BMERB1: variants seen among roughly 807,000 people sequenced by gnomAD.
The protein encoded by BMERB1 is bMERB domain containing 1, also known as bMERB domain-containing protein 1.
A neutral mutation model predicts 23.6 loss-of-function variants in BMERB1; 12 were observed. That is an observed-to-expected ratio of 0.51 (90% CI 0.33 to 0.82). The LOEUF is 0.82. Among genes scored for constraint, BMERB1 ranks in the 40% least tolerant of loss-of-function variants. BMERB1 has a pLI of 0.03. For synonymous variants in BMERB1, 122 were observed against 96.6 expected, an observed-to-expected ratio of 1.26 and a Z score of -1.54; for missense variants, 247 against 255.4, an observed-to-expected ratio of 0.97 and a Z score of 0.22.
At chr16:15,536,280 G>A (rs1039381000) in intron 2 of BMERB1, among the ~76,000 whole-genome samples, 20 of 151,968 alleles carry the variant, frequency 1.3e-4, no homozygotes, top group African/African-American at 4.8e-4. Flanking sequence ...CTTCCTGACC[G>A]CTGGGCCTGC....
chr16:15,538,923 C>T (rs1000798060), intron 2 of BMERB1, among the ~76,000 whole-genome samples: 1 of 152,128 alleles, frequency 6.6e-6, no homozygotes. Context: ...GGCTGTTTGA[C>T]TTTATAGCAG....
chr16:15,528,194 C>G (rs1292810750), intron 2 of BMERB1, among the ~76,000 whole-genome samples: 2 of 152,062 alleles, frequency 1.3e-5, no homozygotes, highest in Non-Finnish European at 2.9e-5. Context: ...GATGAAGATG[C>G]CAGCAGATTC....
chr16:15,440,816 G>GT lies in BMERB1; in HGVS notation c.106+6059dup, dbSNP rs528588845. ...CACATAAAGCTTCTGTTTAGGGGAA[G>GT]TTAAGACCTGGGTTGAGAGTGAAGG... On this transcript the variant is annotated intron_variant, in intron 1 of 5. Coordinates refer to ENST00000300006, the MANE Select transcript of BMERB1 (RefSeq NM_033201.3). Among the ~76,000 whole-genome samples the GT allele has an allele frequency of 1.3e-3, 203 of 152,274 alleles. 1 individual carries two copies. The highest frequency in any genetic ancestry group is 2.5e-3 in the South Asian group (12 of 4,830).
intron 1 of BMERB1, among the ~76,000 whole-genome samples, chr16:15,458,807 TA>T (rs1026738226): frequency 2.7e-5 from 4 of 147,008 alleles, no homozygotes; most frequent in Non-Finnish European, 4.5e-5. Context: ...AATAATACAG[TA>T]AAAAAAACAC....
At position 15,543,742 on chromosome 16, in the gene BMERB1, A is replaced by G. The variant is rs575796568; in HGVS notation, c.231-24241A>G. 2.0e-5 allele frequency among the ~76,000 whole-genome samples: 3 copies of G among 152,218 alleles called. No individual in the cohort carries two copies. In the East Asian group the frequency reaches 5.8e-4, roughly 29 times the overall value. On this transcript the variant is annotated intron_variant, in intron 2 of 5. Transcript: ENST00000300006. Reference sequence around the variant, plus strand: ...AGGCTGAGGTGGGAAGATTGCTTAAACCTGAGAGGTCAAGGCTGCAGTGAG... The same window carrying G: ...AGGCTGAGGTGGGAAGATTGCTTAAGCCTGAGAGGTCAAGGCTGCAGTGAG...
At chr16:15,572,428 G>C (rs182276832) in intron 3 of BMERB1, among the ~76,000 whole-genome samples, 2 of 152,176 alleles carry the variant, frequency 1.3e-5, no homozygotes, top group African/African-American at 4.8e-5. Context: ...GACTTTCCTA[G>C]TTGAAAGAGA....
At chr16:15,434,846 C>T (rs896755077) in intron 1 of BMERB1, 87 bp downstream of exon 1, 2 of 1,179,526 alleles carry the variant, frequency 1.7e-6, no homozygotes, top group African/African-American at 1.5e-5. Context: ...CGAGGAACGC[C>T]AGCAGTGGAC....
At chr16:15,570,591 A>G (rs568378035) in intron 3 of BMERB1, among the ~76,000 whole-genome samples, 30 of 152,216 alleles carry the variant, frequency 2.0e-4, no homozygotes, top group Non-Finnish European at 3.8e-4. Flanking sequence ...CCTGATCCAG[A>G]CCCCAAAGTT....
chr16:15,455,808 G>A (rs2051082818), intron 1 of BMERB1, among the ~76,000 whole-genome samples: 1 of 152,132 alleles, frequency 6.6e-6, no homozygotes, highest in South Asian at 2.1e-4. Context: ...TTCAAGGGGT[G>A]CAGCTTTAAA....
At chr16:15,527,301 A>C (rs891359640) in intron 2 of BMERB1, among the ~76,000 whole-genome samples, 1 of 152,084 alleles carries the variant, frequency 6.6e-6, no homozygotes, top group Non-Finnish European at 1.5e-5. Context: ...ATGACTCTAC[A>C]TACTTCATAA....
At chr16:15,511,417 C>T (rs1418208182) in intron 1 of BMERB1, among the ~76,000 whole-genome samples, 2 of 152,120 alleles carry the variant, frequency 1.3e-5, no homozygotes, top group African/African-American at 4.8e-5. Context: ...GTGAATCTCT[C>T]CAATTTCATG....
chr16:15,498,512 A>G (rs1186214869), intron 1 of BMERB1, among the ~76,000 whole-genome samples: 1 of 151,922 alleles, frequency 6.6e-6, no homozygotes, highest in Non-Finnish European at 1.5e-5. Context: ...TAATAGAGTG[A>G]GACCTTGTTT....
chr16:15,458,314 A>G (rs919663473), intron 1 of BMERB1, among the ~76,000 whole-genome samples: 5 of 152,214 alleles, frequency 3.3e-5, no homozygotes, highest in African/African-American at 4.8e-5. Flanking sequence ...TGACCTGTTC[A>G]TCTTTGAATT....
chr16:15,444,123 G>GTTT (rs150793082), intron 1 of BMERB1, among the ~76,000 whole-genome samples: 833 of 35,592 alleles, frequency 0.023, 146 homozygotes, highest in Non-Finnish European at 0.03. Flanking sequence ...CACCAGCTTT[G>GTTT]TTTTTTTTTT....
chr16:15,524,934 A>G lies in BMERB1; in HGVS notation c.230+9506A>G, dbSNP rs935061539. Among the ~76,000 whole-genome samples, 58 of 152,276 alleles carry G rather than the reference A, an allele frequency of 3.8e-4. 1 individual carries two copies. The highest frequency in any genetic ancestry group is 3.7e-3 in the Admixed American group (56 of 15,286). On this transcript the variant is annotated intron_variant, in intron 2 of 5. Coordinates refer to ENST00000300006, the MANE Select transcript of BMERB1 (RefSeq NM_033201.3). ...CTGCTCAGAGGACCACCTCTGAACC[A>G]CCTAGACTCCATTGGGTTGGGAGGG...
chr16:15,475,081 C>T (rs758768323), intron 1 of BMERB1, among the ~76,000 whole-genome samples: 1 of 152,126 alleles, frequency 6.6e-6, no homozygotes, highest in Non-Finnish European at 1.5e-5. Context: ...GGTGCTGGGG[C>T]CACTTTCCTA....
intron 1 of BMERB1, among the ~76,000 whole-genome samples, chr16:15,489,789 A>G (rs1444457117): frequency 6.6e-6 from 1 of 151,610 alleles, no homozygotes; most frequent in Non-Finnish European, 1.5e-5. Flanking sequence ...CCCAAACATA[A>G]CTCATTACCT....
chr16:15,511,186 G>A (rs1325818463), intron 1 of BMERB1, among the ~76,000 whole-genome samples: 1 of 152,052 alleles, frequency 6.6e-6, no homozygotes, highest in East Asian at 1.9e-4. Flanking sequence ...CACATCACAT[G>A]AGACATTTCC....
At chr16:15,580,112 T>A (rs1049136748) in intron 3 of BMERB1, among the ~76,000 whole-genome samples, 3 of 149,890 alleles carry the variant, frequency 2.0e-5, no homozygotes, top group African/African-American at 7.4e-5. Flanking sequence ...TTTTTTTTTT[T>A]AAGAGACAGG....
Sources: allele counts gnomAD v4.1 joint callset (sites outside exome capture counted in the v4.1 genomes callset), GRCh38; gene constraint gnomAD v4.1.1; transcripts MANE v1.5; gene names NCBI Gene and HGNC (gene_info 2026-07-23, HGNC 2026-07-21).